FAM114A2: variants seen among roughly 807,000 people sequenced by gnomAD.
FAM114A2 encodes protein FAM114A2.
Under a neutral mutation model 58.4 loss-of-function variants are expected in FAM114A2, and 53 were observed. The ratio of observed to expected loss-of-function variants is 0.91; its 90% CI spans 0.73 to 1.14. FAM114A2 has a LOEUF of 1.14. Among genes scored for constraint, FAM114A2 ranks in the 50% most tolerant of loss-of-function variants. The pLI is 0.00. For synonymous variants in FAM114A2, 228 were observed against 211.4 expected, an observed-to-expected ratio of 1.08 and a Z score of -0.68; for missense variants, 601 against 581.1, an observed-to-expected ratio of 1.03 and a Z score of -0.35.
intron 1 of FAM114A2, chr5:154,036,715 A>G (rs531869273): frequency 6.6e-5 from 10 of 152,218 alleles, no homozygotes; most frequent in African/African-American, 1.2e-4. Flanking sequence ...ATTCATGAAC[A>G]AAGTACCTGA....
chr5:154,004,022 T>G (rs1051711024), intron 9 of FAM114A2, among the ~76,000 whole-genome samples: 1 of 152,174 alleles, frequency 6.6e-6, no homozygotes, highest in Non-Finnish European at 1.5e-5. Context: ...CTGTACAGTT[T>G]TGTACAGGAG....
chr5:154,005,872 A>C (rs1470508017), intron 9 of FAM114A2, among the ~76,000 whole-genome samples: 3 of 152,190 alleles, frequency 2.0e-5, no homozygotes, highest in African/African-American at 7.2e-5. Context: ...AACTGAGAAA[A>C]CAGGTTTTAT....
chr5:154,021,594 T>TG (rs879427294), intron 8 of FAM114A2, among the ~76,000 whole-genome samples: 23 of 152,268 alleles, frequency 1.5e-4, no homozygotes, highest in South Asian at 4.1e-4. Flanking sequence ...TTACAAGGGA[T>TG]GAGAAGGACC....
chr5:153,994,814 C>T (rs1769450562), intron 13 of FAM114A2, 105 bp downstream of exon 13: 2 of 710,220 alleles, frequency 2.8e-6, no homozygotes, highest in Admixed American at 4.4e-5. Flanking sequence ...TATGGCTAAA[C>T]TACCAATATG....
chr5:154,002,475 T>C, intron 10 of FAM114A2, 85 bp from the exon 11 acceptor site: 1 of 1,399,556 alleles, frequency 7.1e-7, no homozygotes, highest in Admixed American at 1.8e-5. Flanking sequence ...CTACAGGATT[T>C]GTAGCAGAGA....
chr5:154,030,102 T>C (rs1046529486), intron 4 of FAM114A2, among the ~76,000 whole-genome samples: 5 of 152,170 alleles, frequency 3.3e-5, no homozygotes, highest in African/African-American at 1.2e-4. Flanking sequence ...TAAACAGAAG[T>C]ATATATACTG....
chr5:154,011,407 G>T, intron 8 of FAM114A2, 87 bp from the exon 9 acceptor site: 1 of 800,224 alleles, frequency 1.2e-6, no homozygotes. Flanking sequence ...GAGAGGAGTG[G>T]TAATAGCAGT....
intron 9 of FAM114A2, among the ~76,000 whole-genome samples, chr5:154,003,785 T>A (rs1317271261): frequency 6.6e-6 from 1 of 152,240 alleles, no homozygotes; most frequent in Admixed American, 6.5e-5. Flanking sequence ...AAGCACAACA[T>A]AATGTCTGTT....
chr5:153,994,058 A>G (rs1438591), intron 13 of FAM114A2, among the ~76,000 whole-genome samples: 92,639 of 151,998 alleles, frequency 0.61, 28,828 homozygotes, highest in East Asian at 0.88. Flanking sequence ...CCACTCTGCC[A>G]TTTACTAAAT....
At chr5:154,035,577 C>T (rs1239924278) in intron 1 of FAM114A2, among the ~76,000 whole-genome samples, 1 of 152,082 alleles carries the variant, frequency 6.6e-6, no homozygotes, top group African/African-American at 2.4e-5. Context: ...CACAATTTAC[C>T]CATTTATCCA....
At chr5:154,018,148 T>C (rs1199113509) in intron 8 of FAM114A2, among the ~76,000 whole-genome samples, 3 of 152,056 alleles carry the variant, frequency 2.0e-5, no homozygotes, top group Admixed American at 1.3e-4. Context: ...AAAAGATAAA[T>C]AGAATTGATA....
chr5:154,017,516 C>T (rs766755250), intron 8 of FAM114A2, among the ~76,000 whole-genome samples: 6 of 152,170 alleles, frequency 3.9e-5, no homozygotes, highest in Non-Finnish European at 8.8e-5. Context: ...TAACACCCCA[C>T]TGACAACACT....
At chr5:154,013,170 G>A (rs1770811325) in intron 8 of FAM114A2, among the ~76,000 whole-genome samples, 1 of 152,146 alleles carries the variant, frequency 6.6e-6, no homozygotes, top group African/African-American at 2.4e-5. Flanking sequence ...TTAGAATTGA[G>A]TAGAAAAAGT....
At chr5:154,001,990 C>T (rs1050978268) in intron 11 of FAM114A2, among the ~76,000 whole-genome samples, 13 of 152,130 alleles carry the variant, frequency 8.5e-5, no homozygotes, top group African/African-American at 3.1e-4. Context: ...TTCACTTATA[C>T]CAAATTCCAT....
rs369423237 is a variant in FAM114A2 at position 153,993,028 on chromosome 5, A to G, written c.1466T>C (p.Ile489Thr). The change falls in exon 14 of 14, where the codon ATT becomes ACT. Residue 489 changes from isoleucine (I) to threonine (T), a missense_variant. Ile to Thr is a moderately conservative substitution (Grantham distance 89, BLOSUM62 -1). Transcript: ENST00000351797. ...CTGCAGCTCATGTCTGTGTGATTCA[A>G]TCTTGTTCTCAATGAGAGAGATCTC... ...VLEISLIENK[I>T]ESHRHELQGQ... The G allele has an allele frequency of 8.7e-6, 14 of 1,613,568 alleles. No homozygotes were observed. Among genetic ancestry groups the G allele is most frequent in the Middle Eastern group, 1.6e-4 (1 of 6,080 alleles).
intron 12 of FAM114A2, among the ~76,000 whole-genome samples, chr5:153,996,991 T>TA (rs57110256): frequency 0.02 from 2,435 of 121,236 alleles, 70 homozygotes; most frequent in African/African-American, 0.069. Context: ...GAGCAAAACT[T>TA]AAAAAAAAAA....
chr5:154,035,074 G>A lies in FAM114A2; in HGVS notation c.-14-107C>T, dbSNP rs190521728. The A allele has an allele frequency of 1.6e-4, 107 of 663,718 alleles. No individual in the cohort carries two copies. In the African/African-American group the frequency reaches 1.8e-3, roughly 11 times the overall value. The allele number at this position is 663,718 out of a possible 1,614,324, so 41.1% of individuals were successfully genotyped here. A position where few individuals can be genotyped will look rare whatever the true frequency, so the allele number is the denominator to read the frequency against. On this transcript the variant is annotated intron_variant, in intron 1 of 13. Coordinates refer to ENST00000351797, the MANE Select transcript of FAM114A2 (RefSeq NM_018691.4). ...ATCATAGATTCACATACAAGTATAAGGAATAATACAGAGATCCCATATACC... is the reference window on the plus strand; with the variant it reads ...ATCATAGATTCACATACAAGTATAAAGAATAATACAGAGATCCCATATACC...
At chr5:153,996,322 T>G (rs1016591940) in intron 12 of FAM114A2, among the ~76,000 whole-genome samples, 1 of 152,080 alleles carries the variant, frequency 6.6e-6, no homozygotes, top group African/African-American at 2.4e-5. Context: ...CAACACATAG[T>G]ACTGGAACAA....
intron 8 of FAM114A2, among the ~76,000 whole-genome samples, chr5:154,023,145 G>C (rs1043173365): frequency 3.3e-5 from 5 of 152,128 alleles, no homozygotes; most frequent in Admixed American, 1.3e-4. Flanking sequence ...GTGGGGTCAG[G>C]GGATGGGGGA....
Sources: gnomAD v4.1 joint callset for allele counts (sites outside exome capture counted in the v4.1 genomes callset) on GRCh38, gnomAD v4.1.1 for gene constraint, MANE v1.5 for transcripts, NCBI Gene and HGNC (gene_info 2026-07-23, HGNC 2026-07-21) for gene names.